MORC1: variants seen among roughly 807,000 people sequenced by gnomAD.
MORC1 encodes MORC family CW-type zinc finger protein 1.
MORC1 carries 59 observed loss-of-function variants against 134.9 expected under a neutral mutation model. The ratio of observed to expected loss-of-function variants is 0.44; its 90% CI spans 0.35 to 0.54. The LOEUF (loss-of-function observed/expected upper bound fraction) is 0.54, where lower values mean the gene tolerates loss of function less well. Among genes scored for constraint, MORC1 ranks in the 20% least tolerant of loss-of-function variants. MORC1 has a pLI of 0.00. For synonymous variants in MORC1, 395 were observed against 391.7 expected (o/e 1.01, Z -0.10); for missense variants, 947 against 1,134.5 (o/e 0.83, Z 2.37).
At position 109,027,885 on chromosome 3, in the gene MORC1, G is replaced by T; in HGVS notation, c.1570C>A (p.His524Asn). 6.2e-7 allele frequency: 1 copy of T among 1,613,184 alleles called. No individual in the cohort carries two copies. The highest frequency in any genetic ancestry group is 1.1e-5 in the South Asian group (1 of 90,984). ...ATGGAAGGTAGACATTCTACCTGAT[G>T]ACAACTTCAGAATCAACAAGTACAA... The part of the protein sequence containing the change: ...NNPNRLENSC[H>N]QVECLPSIPL... Residue 524 changes from histidine (H) to asparagine (N), a missense_variant, in exon 17 of 28, where the codon CAT becomes AAT. Physicochemically the swap from His to Asn is moderately conservative, Grantham distance 68. Coordinates refer to ENST00000232603, the MANE Select transcript of MORC1 (RefSeq NM_014429.4).
chr3:108,988,751 A>C (rs1947965052), intron 21 of MORC1, among the ~76,000 whole-genome samples: 1 of 152,196 alleles, frequency 6.6e-6, no homozygotes, highest in Admixed American at 6.5e-5. Context: ...ACAAGATGAA[A>C]GTATCCAAGG....
chr3:108,970,289 A>T (rs1947342555), intron 25 of MORC1, among the ~76,000 whole-genome samples: 1 of 152,160 alleles, frequency 6.6e-6, no homozygotes, highest in African/African-American at 2.4e-5. Context: ...TAAAAATAAA[A>T]ATAAATAAAA....
At chr3:108,974,803 A>G (rs1023736133) in intron 24 of MORC1, among the ~76,000 whole-genome samples, 14 of 152,366 alleles carry the variant, frequency 9.2e-5, no homozygotes, top group African/African-American at 3.4e-4. Context: ...AATATCTTAA[A>G]GATATCTTCC....
intron 21 of MORC1, among the ~76,000 whole-genome samples, chr3:108,996,307 C>A (rs1039325246): frequency 4.0e-5 from 6 of 148,312 alleles, no homozygotes; most frequent in African/African-American, 1.5e-4. Context: ...CACACACACA[C>A]AACTAGAATT....
chr3:108,983,128 G>T (rs1402370898), intron 23 of MORC1, among the ~76,000 whole-genome samples: 1 of 152,146 alleles, frequency 6.6e-6, no homozygotes, highest in Non-Finnish European at 1.5e-5. Flanking sequence ...GTTTTTGGAT[G>T]ATTCTTAAAT....
chr3:109,011,917 T>C (rs2107552521), intron 17 of MORC1, among the ~76,000 whole-genome samples: 1 of 152,358 alleles, frequency 6.6e-6, no homozygotes, highest in East Asian at 1.9e-4. Flanking sequence ...ACTTTTCAAT[T>C]TCTTAACAAT....
At chr3:109,084,052 T>C (rs1362014776) in intron 8 of MORC1, among the ~76,000 whole-genome samples, 1 of 152,122 alleles carries the variant, frequency 6.6e-6, no homozygotes, top group African/African-American at 2.4e-5. Flanking sequence ...TAGTTAACAT[T>C]ATACTGAATG....
intron 8 of MORC1, among the ~76,000 whole-genome samples, chr3:109,090,037 A>T (rs115723730): frequency 0.017 from 2,561 of 152,264 alleles, 82 homozygotes; most frequent in African/African-American, 0.058. Flanking sequence ...AATTCAATTT[A>T]ATATTTCACA....
At chr3:109,099,310 A>G (rs767869953) in intron 6 of MORC1, 48 bp downstream of exon 6, 2 of 1,368,804 alleles carry the variant, frequency 1.5e-6, no homozygotes, top group Non-Finnish European at 2.0e-6. Flanking sequence ...AGAGTAAATG[A>G]AAGCAACATC....
At chr3:109,020,408 C>T (rs1948927926) in intron 17 of MORC1, among the ~76,000 whole-genome samples, 1 of 152,066 alleles carries the variant, frequency 6.6e-6, no homozygotes, top group African/African-American at 2.4e-5. Context: ...GAATGCTGGA[C>T]TTGGTGGGGG....
intron 1 of MORC1, 82 bp downstream of exon 1, chr3:109,117,913 T>A: frequency 1.8e-6 from 2 of 1,106,124 alleles, no homozygotes; most frequent in South Asian, 2.7e-5. Flanking sequence ...ACTTGCTGAG[T>A]ATTCCTCAGG....
intron 23 of MORC1, among the ~76,000 whole-genome samples, chr3:108,980,499 C>G (rs1489911802): frequency 6.6e-6 from 1 of 152,162 alleles, no homozygotes; most frequent in African/African-American, 2.4e-5. Context: ...TGATAGGCCC[C>G]CTTTAAAAGT....
At chr3:109,000,496 C>T in intron 21 of MORC1, 61 bp downstream of exon 21, 1 of 1,220,616 alleles carries the variant, frequency 8.2e-7, no homozygotes, top group Non-Finnish European at 1.1e-6. Flanking sequence ...ACTAACAGAT[C>T]CCTCTAATCT....
At chr3:108,976,426 TA>T (rs1402475051) in intron 24 of MORC1, among the ~76,000 whole-genome samples, 1 of 152,146 alleles carries the variant, frequency 6.6e-6, no homozygotes, top group Admixed American at 6.5e-5. Flanking sequence ...CTTGAAAAAC[TA>T]AAAGTCTAGT....
At position 108,975,846 on chromosome 3, in the gene MORC1, T is replaced by A. The variant is rs535178988; in HGVS notation, c.2477+3669A>T. 2.0e-5 allele frequency among the ~76,000 whole-genome samples: 3 copies of A among 152,222 alleles called. No individual in the cohort carries two copies. The East Asian group carries it at 5.8e-4, about 29-fold the overall frequency. ...AATGTTTAGGATCATCTGATAAAAT[T>A]TAATAGTCTGGAACCAGTTCAGCTT... On this transcript the variant is annotated intron_variant, in intron 24 of 27. Coordinates refer to ENST00000232603, the MANE Select transcript of MORC1 (RefSeq NM_014429.4).
At chr3:109,095,673 G>A (rs1950819511) in intron 6 of MORC1, among the ~76,000 whole-genome samples, 2 of 152,296 alleles carry the variant, frequency 1.3e-5, no homozygotes, top group South Asian at 2.1e-4. Flanking sequence ...TAGACCGAGT[G>A]AAAGTATACT....
Position 109,070,339 on chromosome 3 carries a change from T to C in MORC1, c.690-582A>G, listed in dbSNP as rs372226094. ...AATGAAAAAGGAGAAAAGAGAAAAA[T>C]AAAGAATCGGAAGGCAATAAAACGG... On this transcript the variant is annotated intron_variant, in intron 8 of 27. Transcript: ENST00000232603. Among the ~76,000 whole-genome samples, 27 of 151,830 alleles carry C rather than the reference T, an allele frequency of 1.8e-4. No individual in the cohort carries two copies. The South Asian group carries it at 5.6e-3, about 32-fold the overall frequency.
At chr3:109,063,635 T>C (rs1950132158) in intron 9 of MORC1, among the ~76,000 whole-genome samples, 1 of 152,180 alleles carries the variant, frequency 6.6e-6, no homozygotes, top group Non-Finnish European at 1.5e-5. Context: ...AACAATTATC[T>C]CTAACTGCGA....
intron 21 of MORC1, among the ~76,000 whole-genome samples, chr3:108,994,299 G>A (rs976454738): frequency 6.6e-6 from 1 of 151,966 alleles, no homozygotes; most frequent in Admixed American, 6.6e-5. Flanking sequence ...TCTATAGATT[G>A]GGAAAATGAA....
Sources: allele counts gnomAD v4.1 joint callset (sites outside exome capture counted in the v4.1 genomes callset), GRCh38; gene constraint gnomAD v4.1.1; transcripts MANE v1.5; gene names NCBI Gene and HGNC (gene_info 2026-07-23, HGNC 2026-07-21).